Variants in CTIF observed in about 807,000 individuals in gnomAD.
CTIF encodes the protein CBP80/20-dependent translation initiation factor.
A neutral mutation model predicts 66.0 loss-of-function variants in CTIF; 21 were observed. The observed-to-expected ratio is 0.32, with a 90% CI of 0.23 to 0.46. The LOEUF (loss-of-function observed/expected upper bound fraction) is 0.46, where lower values mean the gene tolerates loss of function less well. Among genes scored for constraint, CTIF ranks in the 20% least tolerant of loss-of-function variants. The pLI is 1.00. For missense variants in CTIF, 739 were observed against 812.7 expected (o/e 0.91, Z 1.10); for synonymous variants, 345 against 326.4 (o/e 1.06, Z -0.62).
intron 2 of CTIF, among the ~76,000 whole-genome samples, chr18:48,634,021 G>A (rs1275540633): frequency 6.6e-6 from 1 of 152,050 alleles, no homozygotes; most frequent in Non-Finnish European, 1.5e-5. Flanking sequence ...CCTGTTCCAG[G>A]ATCCAAATTT....
intron 3 of CTIF, among the ~76,000 whole-genome samples, chr18:48,652,131 A>C (rs1015212417): frequency 6.6e-6 from 1 of 152,244 alleles, no homozygotes; most frequent in African/African-American, 2.4e-5. Flanking sequence ...AATAACTAAG[A>C]TCAGAGCAGA....
At chr18:48,580,873 T>A (rs10438973) in intron 1 of CTIF, among the ~76,000 whole-genome samples, 3,360 of 152,326 alleles carry the variant, frequency 0.022, 126 homozygotes, top group African/African-American at 0.077. Flanking sequence ...CCTGGCAGGA[T>A]GTGGATTCAC....
intron 6 of CTIF, among the ~76,000 whole-genome samples, chr18:48,681,483 A>G (rs2091741453): frequency 6.6e-6 from 1 of 152,222 alleles, no homozygotes; most frequent in Non-Finnish European, 1.5e-5. Context: ...GAAAAGACCC[A>G]GAACTTCCAC....
chr18:48,621,729 C>A, intron 2 of CTIF: 1 of 261,478 alleles, frequency 3.8e-6, no homozygotes. Flanking sequence ...CTGCCTGTGG[C>A]CAGCTCAAGG....
intron 1 of CTIF, among the ~76,000 whole-genome samples, chr18:48,546,768 T>A (rs1030868456): frequency 6.6e-6 from 1 of 151,930 alleles, no homozygotes; most frequent in African/African-American, 2.4e-5. Flanking sequence ...GTTTGCATGC[T>A]GGGAGAAAGG....
chr18:48,593,285 G>A (rs113539882), intron 1 of CTIF, among the ~76,000 whole-genome samples: 464 of 152,220 alleles, frequency 3.0e-3, no homozygotes, highest in African/African-American at 0.01. Flanking sequence ...GGGCAAGTTT[G>A]TAGTGCATTT....
chr18:48,585,236 C>G (rs757385641), intron 1 of CTIF, among the ~76,000 whole-genome samples: 1 of 152,202 alleles, frequency 6.6e-6, no homozygotes, highest in African/African-American at 2.4e-5. Flanking sequence ...ATTTGAAGAT[C>G]GTGCAAGAAA....
At chr18:48,742,644 A>T (rs2092564647) in intron 7 of CTIF, among the ~76,000 whole-genome samples, 1 of 152,226 alleles carries the variant, frequency 6.6e-6, no homozygotes. Context: ...GGCGCAGCTC[A>T]TTTAACCCTC....
chr18:48,560,010 T>G (rs2089116438), intron 1 of CTIF, among the ~76,000 whole-genome samples: 1 of 151,790 alleles, frequency 6.6e-6, no homozygotes, highest in South Asian at 2.1e-4. Context: ...CCCAAGAATA[T>G]GAAAAAAACC....
At chr18:48,589,264 C>T (rs912746528) in intron 1 of CTIF, among the ~76,000 whole-genome samples, 7 of 152,146 alleles carry the variant, frequency 4.6e-5, no homozygotes, top group Admixed American at 2.6e-4. Flanking sequence ...TTCTGAGGGC[C>T]GTCAGGGGGA....
intron 7 of CTIF, among the ~76,000 whole-genome samples, chr18:48,753,393 A>G (rs1244801353): frequency 1.3e-5 from 2 of 152,210 alleles, no homozygotes; most frequent in South Asian, 2.1e-4. Flanking sequence ...GACTGCTGTT[A>G]AAACCATTTT....
chr18:48,754,527 C>A (rs1470894352), intron 7 of CTIF, among the ~76,000 whole-genome samples: 1 of 152,234 alleles, frequency 6.6e-6, no homozygotes, highest in Non-Finnish European at 1.5e-5. Flanking sequence ...CCTCTTCCTC[C>A]AGTGGCATCT....
At chr18:48,584,253 C>G (rs1334676108) in intron 1 of CTIF, among the ~76,000 whole-genome samples, 2 of 152,210 alleles carry the variant, frequency 1.3e-5, no homozygotes, top group African/African-American at 4.8e-5. Context: ...ATTTAGGCTT[C>G]TGATTGGAGA....
rs540861836 is a variant in CTIF at position 48,711,543 on chromosome 18, C to T, written c.508-76C>T. On this transcript the variant is annotated intron_variant, in intron 6 of 11. Coordinates refer to ENST00000256413, the MANE Select transcript of CTIF (RefSeq NM_014772.3). Reference sequence around the variant, plus strand: ...TCTTTCTGTCTTAGATGCTGGTGTACTTAGTGCAGTCCCAGAGGTGCTTTG... The same window carrying T: ...TCTTTCTGTCTTAGATGCTGGTGTATTTAGTGCAGTCCCAGAGGTGCTTTG... 901 of 1,126,070 alleles carry T rather than the reference C, an allele frequency of 8.0e-4. 3 individuals are homozygous for T. The highest frequency in any genetic ancestry group is 1.1e-3 in the Non-Finnish European group (819 of 743,254). The allele number at this position is 1,126,070 out of a possible 1,614,324, so 69.8% of individuals were successfully genotyped here. A position where few individuals can be genotyped will look rare whatever the true frequency, so the allele number is the denominator to read the frequency against.
At chr18:48,826,680 G>A (rs2068588090) in intron 10 of CTIF, 1 of 152,206 alleles carries the variant, frequency 6.6e-6, no homozygotes, top group Non-Finnish European at 1.5e-5. Flanking sequence ...GGACAGGCTA[G>A]GTCTCATCTG....
In CTIF at chr18:48,829,504, A is replaced by C. The variant is rs946329373; in HGVS notation, c.1527+12128A>C. 2.6e-5 allele frequency among the ~76,000 whole-genome samples: 4 copies of C among 151,966 alleles called. No individual in the cohort carries two copies. In the South Asian group the frequency reaches 8.3e-4, roughly 32 times the overall value. ...ATAAGCCTGCCTGTTTCCCACCTTA[A>C]GGGAGGATCCAGGCAACTCTGCAGA... On this transcript the variant is annotated intron_variant, in intron 10 of 11. Coordinates refer to ENST00000256413, the MANE Select transcript of CTIF (RefSeq NM_014772.3).
chr18:48,727,070 GCACACA>G (rs35188197), intron 7 of CTIF, among the ~76,000 whole-genome samples: 86 of 144,584 alleles, frequency 5.9e-4, no homozygotes, highest in African/African-American at 6.7e-4. Context: ...CAAGTTAGCT[GCACACA>G]CACACACACA....
At chr18:48,730,714 C>CGGTGTGAGGAGCCCCTGA (rs1356347997) in intron 7 of CTIF, among the ~76,000 whole-genome samples, 22 of 90,006 alleles carry the variant, frequency 2.4e-4, no homozygotes, top group South Asian at 7.5e-4. Flanking sequence ...GGGGCTTCCG[C>CGGTGTGAGGAGCCCCTGA]GGTGTGAGGG....
At chr18:48,718,264 G>A (rs1001434128) in intron 7 of CTIF, among the ~76,000 whole-genome samples, 3 of 152,106 alleles carry the variant, frequency 2.0e-5, no homozygotes, top group African/African-American at 7.2e-5. Flanking sequence ...TGTATACCTA[G>A]CTACAGTCTC....
Sources: gnomAD v4.1 joint callset for allele counts (sites outside exome capture counted in the v4.1 genomes callset) on GRCh38, gnomAD v4.1.1 for gene constraint, MANE v1.5 for transcripts, NCBI Gene and HGNC (gene_info 2026-07-23, HGNC 2026-07-21) for gene names.